PRDM5: variants seen among roughly 807,000 people sequenced by gnomAD.
PRDM5 encodes the protein PR/SET domain 5, also known as PR domain zinc finger protein 5.
Under a neutral mutation model 81.2 loss-of-function variants are expected in PRDM5, and 56 were observed. The ratio of observed to expected loss-of-function variants is 0.69; its 90% CI spans 0.56 to 0.86. The LOEUF is 0.86. PRDM5 is among the 40% of genes least tolerant of loss of function. PRDM5 has a pLI of 0.00. For synonymous variants in PRDM5, 267 were observed against 256.4 expected (o/e 1.04, Z -0.39); for missense variants, 697 against 770.1 (o/e 0.91, Z 1.12).
intron 14 of PRDM5, among the ~76,000 whole-genome samples, chr4:120,745,081 C>T (rs1488130782): frequency 2.1e-5 from 3 of 140,122 alleles, no homozygotes; most frequent in African/African-American, 8.1e-5. Context: ...AGCTTATCCA[C>T]CATGATCAAG....
intron 10 of PRDM5, among the ~76,000 whole-genome samples, chr4:120,794,428 A>G (rs1249791854): frequency 6.6e-6 from 1 of 152,010 alleles, no homozygotes; most frequent in Non-Finnish European, 1.5e-5. Context: ...AAGGTCTAAT[A>G]AAATTTATAC....
At chr4:120,688,481 T>C (rs775642860), downstream of PRDM5, among the ~76,000 whole-genome samples, 1 of 152,212 alleles carries the variant, frequency 6.6e-6, no homozygotes, top group Non-Finnish European at 1.5e-5. Flanking sequence ...TTAAGTTTGA[T>C]GTAGTTCCAT....
At chr4:120,777,364 C>A in intron 12 of PRDM5, 83 bp from the exon 13 acceptor site, 1 of 1,590,510 alleles carries the variant, frequency 6.3e-7, no homozygotes, top group South Asian at 1.1e-5. Flanking sequence ...AATAGTAAAT[C>A]CTTATTTTGT....
intron 2 of PRDM5, among the ~76,000 whole-genome samples, chr4:120,877,521 G>A (rs1245970788): frequency 6.6e-6 from 1 of 152,072 alleles, no homozygotes; most frequent in Non-Finnish European, 1.5e-5. Context: ...TAAAATAAAC[G>A]GGGCCGGGTG....
intron 3 of PRDM5, among the ~76,000 whole-genome samples, chr4:120,848,372 C>T (rs565311059): frequency 3.3e-5 from 5 of 152,120 alleles, no homozygotes; most frequent in African/African-American, 9.7e-5. Flanking sequence ...TAAGGCATTA[C>T]AACACAGGGG....
downstream of PRDM5, among the ~76,000 whole-genome samples, chr4:120,689,755 C>T (rs1290908955): frequency 6.6e-6 from 1 of 151,970 alleles, no homozygotes; most frequent in African/African-American, 2.4e-5. Flanking sequence ...GGCAAGATTA[C>T]AGGTGCGTGC....
chr4:120,906,500 A>G lies in PRDM5; in HGVS notation c.177+974T>C, dbSNP rs542959197. The stretch of plus-strand genomic sequence containing the variant: ...CTGTCATTAAGTAACACATGCATAT[A>G]TAATTCCTAGGACTGCATTTTCCAA... On this transcript the variant is annotated intron_variant, in intron 2 of 15. Transcript: ENST00000264808. 2.6e-5 allele frequency among the ~76,000 whole-genome samples: 4 copies of G among 152,354 alleles called. No individual in the cohort carries two copies. In the East Asian group the frequency reaches 7.7e-4, roughly 29 times the overall value.
At chr4:120,806,233 C>T (rs1361257518) in intron 8 of PRDM5, among the ~76,000 whole-genome samples, 2 of 152,142 alleles carry the variant, frequency 1.3e-5, no homozygotes, top group East Asian at 1.9e-4. Flanking sequence ...TCCATGCTCA[C>T]GGATAGGAAG....
chr4:120,739,490 A>C (rs1741594678), intron 14 of PRDM5, among the ~76,000 whole-genome samples: 1 of 152,196 alleles, frequency 6.6e-6, no homozygotes, highest in Non-Finnish European at 1.5e-5. Context: ...ACCATTTAAA[A>C]AACTGTAGAA....
chr4:120,866,086 C>T (rs1761173408), intron 2 of PRDM5, among the ~76,000 whole-genome samples: 1 of 152,174 alleles, frequency 6.6e-6, no homozygotes, highest in Admixed American at 6.5e-5. Context: ...GCAATTCTTC[C>T]ACCTCCTCAT....
chr4:120,910,480 T>C (rs1261997124), intron 1 of PRDM5, among the ~76,000 whole-genome samples: 1 of 152,226 alleles, frequency 6.6e-6, no homozygotes, highest in Non-Finnish European at 1.5e-5. Flanking sequence ...GTCTCTATCA[T>C]ACAAACAGTA....
intron 8 of PRDM5, among the ~76,000 whole-genome samples, chr4:120,800,017 CTG>C (rs1177411014): frequency 5.9e-5 from 9 of 152,312 alleles, no homozygotes; most frequent in African/African-American, 2.2e-4. Context: ...AATTTATACT[CTG>C]TAAAAAATTA....
intron 8 of PRDM5, among the ~76,000 whole-genome samples, chr4:120,804,823 T>G (rs1439170118): frequency 6.6e-6 from 1 of 151,972 alleles, no homozygotes; most frequent in Non-Finnish European, 1.5e-5. Context: ...ATCCAAAAGC[T>G]AGCAGAAGGC....
In PRDM5 at chr4:120,816,922, A is replaced by T; in HGVS notation, c.653T>A (p.Val218Asp). 1 of 1,610,038 alleles carries T rather than the reference A, an allele frequency of 6.2e-7. No individual in the cohort carries two copies. The highest frequency in any genetic ancestry group is 8.5e-7 in the Non-Finnish European group (1 of 1,176,188). Residue 218 changes from valine to aspartate, a missense_variant and splice_region_variant, in exon 6 of 16, where the codon GTT becomes GAT. Around this residue, in one of 3 missense-constraint regions of PRDM5, gnomAD observed 577 missense variants for 606.7 expected, o/e 0.95. Transcript: ENST00000264808. ...ACTGCTTTTCGCTGTGCACTGAAGA[A>T]CACTAAAGGGAAATAGGAAAAAGAG... ...FPVKQALQRH[V>D]LQCTAKSSLK...
At chr4:120,702,871 A>G (rs1735585384) in intron 15 of PRDM5, among the ~76,000 whole-genome samples, 1 of 152,128 alleles carries the variant, frequency 6.6e-6, no homozygotes, top group South Asian at 2.1e-4. Context: ...AAATTCTTCA[A>G]TGGCTTCTTA....
At chr4:120,919,736 C>T (rs1401853275) in intron 1 of PRDM5, among the ~76,000 whole-genome samples, 1 of 152,116 alleles carries the variant, frequency 6.6e-6, no homozygotes, top group Non-Finnish European at 1.5e-5. Flanking sequence ...TTCACTGAAG[C>T]ATTCAACTGT....
intron 2 of PRDM5, among the ~76,000 whole-genome samples, chr4:120,859,562 A>T (rs1399792939): frequency 1.3e-5 from 2 of 152,152 alleles, no homozygotes; most frequent in Non-Finnish European, 2.9e-5. Context: ...AGTACTTTCA[A>T]GGAACAAAGA....
intron 2 of PRDM5, among the ~76,000 whole-genome samples, chr4:120,905,821 T>C (rs1014168997): frequency 1.3e-5 from 2 of 152,164 alleles, no homozygotes; most frequent in Non-Finnish European, 2.9e-5. Flanking sequence ...ACCTCCTACA[T>C]GTATCTCAGC....
At chr4:120,883,373 G>T (rs553748045) in intron 2 of PRDM5, among the ~76,000 whole-genome samples, 1 of 152,148 alleles carries the variant, frequency 6.6e-6, no homozygotes, top group Non-Finnish European at 1.5e-5. Flanking sequence ...CTAGTTTAAT[G>T]CAACTCTTAT....
Sources: gnomAD v4.1 joint callset for allele counts (sites outside exome capture counted in the v4.1 genomes callset) on GRCh38, gnomAD v4.1.1 for gene constraint, gnomAD v4.1.1 regional missense constraint, MANE v1.5 for transcripts, NCBI Gene and HGNC (gene_info 2026-07-23, HGNC 2026-07-21) for gene names.